CYYR1: variants seen among roughly 807,000 people sequenced by gnomAD.
CYYR1 encodes the protein cysteine and tyrosine rich 1, also known as cysteine and tyrosine-rich protein 1.
CYYR1 carries 14 observed loss-of-function variants against 15.2 expected under a neutral mutation model. That is an observed-to-expected ratio of 0.92 (90% CI 0.61 to 1.44). The LOEUF is 1.44. Among genes scored for constraint, CYYR1 ranks in the 40% most tolerant of loss-of-function variants. The probability of loss-of-function intolerance (pLI) is 0.00; values close to 1 mark genes in which losing one functional copy is unlikely to be tolerated. For synonymous variants in CYYR1, 80 were observed against 77.4 expected (o/e 1.03, Z -0.18); for missense variants, 228 against 209.5 (o/e 1.09, Z -0.54).
chr21:26,527,146 A>G (rs568117399), intron 2 of CYYR1, among the ~76,000 whole-genome samples: 1 of 152,328 alleles, frequency 6.6e-6, no homozygotes, highest in Non-Finnish European at 1.5e-5. Flanking sequence ...CACGAGAAAC[A>G]CATATAAAGG....
At chr21:26,510,242 C>G (rs2065628434) in intron 2 of CYYR1, among the ~76,000 whole-genome samples, 2 of 152,154 alleles carry the variant, frequency 1.3e-5, no homozygotes, top group Non-Finnish European at 2.9e-5. Flanking sequence ...CATAGGAAAC[C>G]TGCCCAGATA....
In CYYR1 at chr21:26,540,304, G is replaced by A. The variant is rs1376114337; in HGVS notation, c.176+25962C>T. Among the ~76,000 whole-genome samples, 2 of 152,122 alleles carry A rather than the reference G, an allele frequency of 1.3e-5. 1 individual carries two copies. The highest frequency in any genetic ancestry group is 4.2e-4 in the South Asian group (2 of 4,810). On this transcript the variant is annotated intron_variant, in intron 2 of 3. Coordinates refer to ENST00000652641, the MANE Select transcript of CYYR1 (RefSeq NM_001320768.2). ...GAATCAAAACTGGGAAGAAGGAAAT[G>A]GAACTGAGTAGCGTTCCATTGATAA...
At chr21:26,508,017 C>T (rs1348672663) in intron 2 of CYYR1, among the ~76,000 whole-genome samples, 1 of 152,056 alleles carries the variant, frequency 6.6e-6, no homozygotes. Context: ...AATAAAGTTA[C>T]CTATGAGGGA....
intron 2 of CYYR1, among the ~76,000 whole-genome samples, chr21:26,489,941 TCA>T (rs1266870217): frequency 1.3e-5 from 2 of 152,148 alleles, no homozygotes; most frequent in African/African-American, 4.8e-5. Flanking sequence ...GATTTATCCC[TCA>T]GTCATTTTGC....
At chr21:26,473,244 C>G (rs1002295489) in intron 3 of CYYR1, among the ~76,000 whole-genome samples, 1 of 152,018 alleles carries the variant, frequency 6.6e-6, no homozygotes, top group African/African-American at 2.4e-5. Context: ...CTACTCTCCC[C>G]CAAACCCCAC....
intron 2 of CYYR1, among the ~76,000 whole-genome samples, chr21:26,496,326 AT>A (rs2065403582): frequency 6.6e-6 from 1 of 152,228 alleles, no homozygotes; most frequent in Non-Finnish European, 1.5e-5. Flanking sequence ...GGAAAGAAAT[AT>A]CAGCTAGATT....
At chr21:26,505,197 A>G (rs1183341075) in intron 2 of CYYR1, among the ~76,000 whole-genome samples, 1 of 152,210 alleles carries the variant, frequency 6.6e-6, no homozygotes, top group East Asian at 1.9e-4. Context: ...CATAGTTTTG[A>G]TGCTGTTAAT....
intron 2 of CYYR1, among the ~76,000 whole-genome samples, chr21:26,543,870 C>A (rs1363724448): frequency 6.6e-6 from 1 of 152,050 alleles, no homozygotes; most frequent in Non-Finnish European, 1.5e-5. Context: ...CACGGCACTG[C>A]ACTCCAGCCT....
chr21:26,531,422 G>A (rs151053274), intron 2 of CYYR1, among the ~76,000 whole-genome samples: 74 of 152,252 alleles, frequency 4.9e-4, no homozygotes, highest in African/African-American at 1.7e-3. Flanking sequence ...ATCCCCACGT[G>A]TTGAAGGAGA....
chr21:26,560,133 C>A (rs1980097280), intron 2 of CYYR1, among the ~76,000 whole-genome samples: 1 of 152,244 alleles, frequency 6.6e-6, no homozygotes, highest in South Asian at 2.1e-4. Flanking sequence ...GTAATTTTTA[C>A]ATGGTTATAA....
intron 2 of CYYR1, among the ~76,000 whole-genome samples, chr21:26,490,365 C>T (rs1051979204): frequency 2.0e-5 from 3 of 151,766 alleles, no homozygotes; most frequent in East Asian, 1.9e-4. Flanking sequence ...CTGGGTACTA[C>T]GATACAAAGT....
Position 26,531,889 on chromosome 21 carries a change from A to G in CYYR1, c.176+34377T>C, listed in dbSNP as rs575810332. ...GTTTTCAAACCTTTAAGGTTTGAAA[A>G]AAGTTCAGCATGAAGAATGCCATAC... On this transcript the variant is annotated intron_variant, in intron 2 of 3. Transcript: ENST00000652641. Among the ~76,000 whole-genome samples, 5 of 152,284 alleles carry G rather than the reference A, an allele frequency of 3.3e-5. No homozygotes were observed. The East Asian group carries it at 7.7e-4, about 24-fold the overall frequency.
chr21:26,535,642 G>T (rs1033161177), intron 2 of CYYR1, among the ~76,000 whole-genome samples: 3 of 152,094 alleles, frequency 2.0e-5, no homozygotes, highest in African/African-American at 4.8e-5. Flanking sequence ...AAAACTAGGG[G>T]CTCTCTCCAA....
chr21:26,471,368 T>C (rs775565613), intron 3 of CYYR1: 9 of 152,226 alleles, frequency 5.9e-5, no homozygotes, highest in Non-Finnish European at 1.2e-4. Flanking sequence ...GGCATGTGTT[T>C]ATGCGTCTGT....
intron 2 of CYYR1, among the ~76,000 whole-genome samples, chr21:26,541,326 TAAA>T (rs946277741): frequency 6.6e-6 from 1 of 151,902 alleles, no homozygotes; most frequent in African/African-American, 2.4e-5. Context: ...ATTCGATAGA[TAAA>T]AACAAAAGAT....
At chr21:26,484,077 T>C (rs372809109) in intron 2 of CYYR1, among the ~76,000 whole-genome samples, 3 of 152,122 alleles carry the variant, frequency 2.0e-5, no homozygotes, top group East Asian at 1.9e-4. Flanking sequence ...TCAGATTTTG[T>C]AAAGAAAATA....
At chr21:26,500,331 C>T (rs1342677590) in intron 2 of CYYR1, among the ~76,000 whole-genome samples, 1 of 152,274 alleles carries the variant, frequency 6.6e-6, no homozygotes, top group East Asian at 1.9e-4. Context: ...ATCCATGCAT[C>T]AGATGTGGGC....
chr21:26,470,541 T>C (rs1389425278), intron 3 of CYYR1: 1 of 152,192 alleles, frequency 6.6e-6, no homozygotes, highest in East Asian at 1.9e-4. Flanking sequence ...TCTTTCTGTC[T>C]TGTGCTGGCC....
intron 2 of CYYR1, among the ~76,000 whole-genome samples, chr21:26,537,871 C>T (rs1044244761): frequency 6.6e-6 from 1 of 152,114 alleles, no homozygotes; most frequent in African/African-American, 2.4e-5. Context: ...CCCTCTTCCA[C>T]CATGCGAGGA....
Sources: gnomAD v4.1 joint callset for allele counts (sites outside exome capture counted in the v4.1 genomes callset) on GRCh38, gnomAD v4.1.1 for gene constraint, MANE v1.5 for transcripts, NCBI Gene and HGNC (gene_info 2026-07-23, HGNC 2026-07-21) for gene names.